DMD: variants seen among roughly 807,000 people sequenced by gnomAD.
DMD encodes mutant dystrophin.
Under a neutral mutation model 330.1 loss-of-function variants are expected in DMD, and 63 were observed. That is an observed-to-expected ratio of 0.19 (90% confidence interval 0.16 to 0.24). The LOEUF is 0.24. Among genes scored for constraint, DMD ranks in the 10% least tolerant of loss-of-function variants. The pLI is 1.00. For missense variants in DMD, 3,344 were observed against 2,684.1 expected (o/e 1.25, Z -5.43); for synonymous variants, 1,223 against 959.8 (o/e 1.27, Z -5.07).
intron 11 of DMD, among the ~76,000 whole-genome samples, chrX:32,630,694 G>A (rs1038398459): frequency 5.4e-5 from 6 of 111,279 alleles, no homozygotes; most frequent in Non-Finnish European, 1.1e-4. Context: ...CAATCCCTTT[G>A]TTAAATTTAT....
intron 61 of DMD, among the ~76,000 whole-genome samples, chrX:31,347,771 G>A (rs2058178798): frequency 8.9e-6 from 1 of 112,498 alleles, no homozygotes; most frequent in Admixed American, 9.4e-5. Flanking sequence ...AGATGGTAAG[G>A]TAGTTCTATT....
chrX:32,411,662 A>G (rs773382458), intron 30 of DMD, 90 bp downstream of exon 30: 204 of 1,053,056 alleles, frequency 1.9e-4, no homozygotes, highest in Non-Finnish European at 2.6e-4. Context: ...ATGGAAAACT[A>G]GTTGAATAAA....
intron 62 of DMD, among the ~76,000 whole-genome samples, chrX:31,264,845 A>C (rs2050876554): frequency 8.9e-6 from 1 of 112,620 alleles, no homozygotes; most frequent in Non-Finnish European, 1.9e-5. Context: ...AGTAGTGTGC[A>C]AGGTTATTAT....
intron 11 of DMD, among the ~76,000 whole-genome samples, chrX:32,636,995 CA>C (rs374402951): frequency 4.2e-5 from 4 of 95,688 alleles, no homozygotes; most frequent in Admixed American, 1.2e-4. Flanking sequence ...GACTCTGTCT[CA>C]AAAAAAAAAG....
intron 1 of DMD, among the ~76,000 whole-genome samples, chrX:33,129,524 C>CAAAA (rs59729782): frequency 4.9e-5 from 5 of 101,516 alleles, no homozygotes; most frequent in African/African-American, 1.8e-4. Flanking sequence ...AGGTTTCAAA[C>CAAAA]AAAAAAAAAA....
chrX:32,557,611 C>A (rs1447823156), intron 16 of DMD, among the ~76,000 whole-genome samples: 1 of 111,829 alleles, frequency 8.9e-6, no homozygotes, highest in Non-Finnish European at 1.9e-5. Context: ...ATCATAGCAA[C>A]AGCTTTAGAT....
At chrX:31,155,163 T>C (rs769896439) in intron 74 of DMD, among the ~76,000 whole-genome samples, 1 of 112,473 alleles carries the variant, frequency 8.9e-6, no homozygotes, top group African/African-American at 3.2e-5. Flanking sequence ...AGCAATGATT[T>C]ATGAGTGCCT....
At chrX:32,603,886 G>A (rs766640441) in intron 12 of DMD, among the ~76,000 whole-genome samples, 4 of 111,180 alleles carry the variant, frequency 3.6e-5, no homozygotes, top group Non-Finnish European at 5.7e-5. Flanking sequence ...ATAAAGCTCA[G>A]GACCAGACGT....
intron 55 of DMD, among the ~76,000 whole-genome samples, chrX:31,522,335 C>CTA (rs1302880405): frequency 5.0e-5 from 3 of 60,485 alleles, no homozygotes; most frequent in African/African-American, 2.7e-4. Context: ...TTCTCTCTCT[C>CTA]TCTCTCTCTC....
chrX:31,587,666 TTTG>T (rs1409777617), intron 55 of DMD, among the ~76,000 whole-genome samples: 1 of 111,573 alleles, frequency 9.0e-6, no homozygotes, highest in Non-Finnish European at 1.9e-5. Context: ...CTGGGTCAGC[TTTG>T]TTAACTCCTC....
At chrX:32,379,516 C>A (rs762567372) in intron 34 of DMD, among the ~76,000 whole-genome samples, 2 of 111,453 alleles carry the variant, frequency 1.8e-5, no homozygotes, top group Admixed American at 1.9e-4. Context: ...TCCTGAATAA[C>A]TATAATTCAA....
chrX:32,642,343 T>C (rs1406601299), intron 11 of DMD, among the ~76,000 whole-genome samples: 1 of 112,576 alleles, frequency 8.9e-6, no homozygotes, highest in East Asian at 2.8e-4. Context: ...CTATACCAGC[T>C]AGAAGGCTCT....
chrX:32,638,079 T>C (rs2059215129), intron 11 of DMD, among the ~76,000 whole-genome samples: 1 of 112,067 alleles, frequency 8.9e-6, no homozygotes, highest in African/African-American at 3.2e-5. Flanking sequence ...GAAAAATTAT[T>C]ATGACCATAA....
chrX:32,608,087 A>T (rs1160492027), intron 12 of DMD, among the ~76,000 whole-genome samples: 1 of 110,317 alleles, frequency 9.1e-6, no homozygotes, highest in East Asian at 2.8e-4. Context: ...AAGCTGTGAC[A>T]TTCTAAGTAA....
intron 50 of DMD, among the ~76,000 whole-genome samples, chrX:31,813,153 G>A (rs1010167831): frequency 3.6e-5 from 4 of 112,004 alleles, no homozygotes; most frequent in African/African-American, 1.3e-4. Flanking sequence ...TGGGAAGAAA[G>A]CCTACACATC....
chrX:31,271,930 T>A (rs908631134), intron 62 of DMD, among the ~76,000 whole-genome samples: 1 of 111,299 alleles, frequency 9.0e-6, no homozygotes, highest in African/African-American at 3.3e-5. Flanking sequence ...ATCTTCTGGA[T>A]GTAAGAATAT....
rs190952906 is a variant in DMD, at chrX:32,718,352, T to C, written c.650-19059A>G. On this transcript the variant is annotated intron_variant, in intron 7 of 78. Coordinates refer to ENST00000357033, the MANE Select transcript of DMD (RefSeq NM_004006.3). Reference sequence around the variant, plus strand: ...GAAAGCGTGTAGCATCTCTGCCTGCTCTCTCTTCCTCCTTCTCTGGCCATG... The same window carrying C: ...GAAAGCGTGTAGCATCTCTGCCTGCCCTCTCTTCCTCCTTCTCTGGCCATG... 8.3e-4 allele frequency among the ~76,000 whole-genome samples: 92 copies of C among 110,916 alleles called. 1 individual carries two copies. Among genetic ancestry groups the C allele is most frequent in the Non-Finnish European group, 3.2e-4 (17 of 52,937 alleles).
intron 2 of DMD, among the ~76,000 whole-genome samples, chrX:32,902,848 A>AG (rs2086383657): frequency 9.1e-6 from 1 of 110,489 alleles, no homozygotes; most frequent in Admixed American, 9.6e-5. Context: ...TAAATTAAAA[A>AG]CAAGTCAAGA....
chrX:32,263,686 A>G (rs1362923957), intron 43 of DMD, among the ~76,000 whole-genome samples: 1 of 111,882 alleles, frequency 8.9e-6, no homozygotes, highest in Non-Finnish European at 1.9e-5. Flanking sequence ...TGAAACACAT[A>G]TGCTAGCTCT....
Sources: gnomAD v4.1 joint callset for allele counts (sites outside exome capture counted in the v4.1 genomes callset) on GRCh38, gnomAD v4.1.1 for gene constraint, MANE v1.5 for transcripts, NCBI Gene and HGNC (gene_info 2026-07-23, HGNC 2026-07-21) for gene names.